Variants in SKAP1 observed in about 807,000 individuals in gnomAD.
The protein encoded by SKAP1 is src kinase-associated phosphoprotein 1.
SKAP1 carries 44 observed loss-of-function variants against 58.5 expected under a neutral mutation model. That is an observed-to-expected ratio of 0.75 (90% CI 0.59 to 0.97). The LOEUF (loss-of-function observed/expected upper bound fraction) is 0.97. SKAP1 is among the 50% of genes least tolerant of loss of function. The pLI is 0.00. For missense variants in SKAP1, 390 were observed against 435.2 expected (o/e 0.90, Z 0.92); for synonymous variants, 127 against 149.7 (o/e 0.85, Z 1.11).
intron 1 of SKAP1, among the ~76,000 whole-genome samples, chr17:48,403,148 G>A (rs1368968699): frequency 2.0e-5 from 3 of 149,514 alleles, no homozygotes; most frequent in Non-Finnish European, 3.0e-5. Flanking sequence ...AGAACTGCTT[G>A]AGCCCAGGAG....
intron 4 of SKAP1, among the ~76,000 whole-genome samples, chr17:48,318,571 C>G (rs1427960892): frequency 6.6e-6 from 1 of 152,162 alleles, no homozygotes; most frequent in East Asian, 1.9e-4. Context: ...TTTTAAAAAT[C>G]TTTGCTTTCT....
At chr17:48,360,508 C>T (rs1166903686) in intron 3 of SKAP1, among the ~76,000 whole-genome samples, 4 of 151,980 alleles carry the variant, frequency 2.6e-5, no homozygotes, top group South Asian at 2.1e-4. Context: ...GCAAAAACTC[C>T]GCTGGCTTTT....
At chr17:48,200,777 T>C (rs944835776) in intron 4 of SKAP1, among the ~76,000 whole-genome samples, 2 of 152,250 alleles carry the variant, frequency 1.3e-5, no homozygotes, top group African/African-American at 4.8e-5. Context: ...ATACTAATTA[T>C]TTAATTTCTG....
intron 4 of SKAP1, among the ~76,000 whole-genome samples, chr17:48,282,955 T>TA (rs1032295474): frequency 5.3e-5 from 8 of 152,038 alleles, no homozygotes; most frequent in African/African-American, 1.7e-4. Context: ...TCAGTTTGGC[T>TA]AAAAAAAGCA....
chr17:48,326,393 T>A (rs1267837109), intron 4 of SKAP1, among the ~76,000 whole-genome samples: 2 of 152,194 alleles, frequency 1.3e-5, no homozygotes, highest in Non-Finnish European at 1.5e-5. Context: ...ACTATAGAGC[T>A]TGTGGGAAGC....
chr17:48,271,350 GTTTC>G (rs1321388290), intron 4 of SKAP1, among the ~76,000 whole-genome samples: 1 of 132,126 alleles, frequency 7.6e-6, no homozygotes, highest in African/African-American at 2.7e-5. Context: ...TAATATTCTT[GTTTC>G]TTTGTTTCTT....
intron 1 of SKAP1, among the ~76,000 whole-genome samples, chr17:48,416,127 A>C (rs1373345570): frequency 6.6e-6 from 1 of 152,210 alleles, no homozygotes; most frequent in African/African-American, 2.4e-5. Flanking sequence ...TTGGAAAATA[A>C]TCTATGTATT....
At chr17:48,260,600 T>G (rs996461605) in intron 4 of SKAP1, among the ~76,000 whole-genome samples, 10 of 152,098 alleles carry the variant, frequency 6.6e-5, no homozygotes, top group African/African-American at 2.4e-4. Context: ...TATTAGAAAC[T>G]GGAAAATGCC....
intron 2 of SKAP1, among the ~76,000 whole-genome samples, chr17:48,374,541 T>C (rs563735836): frequency 1.3e-5 from 2 of 152,286 alleles, no homozygotes; most frequent in African/African-American, 4.8e-5. Flanking sequence ...GGACACCTAG[T>C]TGGGCATGGA....
At chr17:48,236,508 C>T (rs1008816337) in intron 4 of SKAP1, among the ~76,000 whole-genome samples, 1 of 152,134 alleles carries the variant, frequency 6.6e-6, no homozygotes, top group African/African-American at 2.4e-5. Flanking sequence ...ATAAATTTCT[C>T]TATCATATTA....
chr17:48,324,991 G>A (rs536920322), intron 4 of SKAP1, among the ~76,000 whole-genome samples: 1 of 152,160 alleles, frequency 6.6e-6, no homozygotes, highest in East Asian at 1.9e-4. Flanking sequence ...GCTCATGCCT[G>A]TAATCCCAGC....
At chr17:48,437,388 T>C in the SKAP1 span, among the ~76,000 whole-genome samples, 1 of 152,134 alleles carries the variant, frequency 6.6e-6, no homozygotes, top group East Asian at 1.9e-4. Context: ...AATCCCTACA[T>C]TACAGGGTTA....
intron 4 of SKAP1, among the ~76,000 whole-genome samples, chr17:48,304,176 TA>T (rs2066103848): frequency 1.3e-5 from 2 of 152,192 alleles, no homozygotes; most frequent in Admixed American, 6.5e-5. Context: ...TGGACCTCTA[TA>T]AAAAACACTT....
At chr17:48,135,573 G>T (rs2063687718) in intron 12 of SKAP1, among the ~76,000 whole-genome samples, 1 of 152,032 alleles carries the variant, frequency 6.6e-6, no homozygotes, top group Admixed American at 6.6e-5. Context: ...AACCTCCTGG[G>T]CTCAAGCATT....
chr17:48,201,264 T>G (rs2064724198), intron 4 of SKAP1, among the ~76,000 whole-genome samples: 1 of 151,048 alleles, frequency 6.6e-6, no homozygotes. Context: ...CTCTCTCTCT[T>G]TTTCCTTCCT....
At chr17:48,336,117 A>C (rs1018405909) in intron 4 of SKAP1, among the ~76,000 whole-genome samples, 3 of 152,176 alleles carry the variant, frequency 2.0e-5, no homozygotes, top group South Asian at 2.1e-4. Context: ...TTCAAGGTCT[A>C]TAAAACCCTC....
At chr17:48,324,444 A>T (rs2066406368) in intron 4 of SKAP1, among the ~76,000 whole-genome samples, 1 of 152,050 alleles carries the variant, frequency 6.6e-6, no homozygotes, top group Non-Finnish European at 1.5e-5. Context: ...CTTATTTTTA[A>T]TTATAAAAAT....
chr17:48,295,280 T>C (rs934004831), intron 4 of SKAP1, among the ~76,000 whole-genome samples: 3 of 152,188 alleles, frequency 2.0e-5, no homozygotes, highest in African/African-American at 7.2e-5. Flanking sequence ...AAACCTTACT[T>C]GTGTTAAGGA....
chr17:48,325,321 CCA>C (rs1028018258), intron 4 of SKAP1, among the ~76,000 whole-genome samples: 11 of 151,382 alleles, frequency 7.3e-5, no homozygotes, highest in African/African-American at 1.5e-4. Context: ...TCCCTCATCT[CCA>C]GTTTTCTTTC....
Sources: gnomAD v4.1 joint callset for allele counts (sites outside exome capture counted in the v4.1 genomes callset) on GRCh38, gnomAD v4.1.1 for gene constraint, MANE v1.5 for transcripts, NCBI Gene and HGNC (gene_info 2026-07-23, HGNC 2026-07-21) for gene names.